Variants in SAMD13 observed in about 807,000 individuals in gnomAD.
The protein encoded by SAMD13 is sterile alpha motif domain-containing protein 13.
A neutral mutation model predicts 12.4 loss-of-function variants in SAMD13; 9 were observed. The observed-to-expected ratio is 0.72, with a 90% CI of 0.44 to 1.26. SAMD13 has a LOEUF of 1.26. Among genes scored for constraint, SAMD13 ranks in the 50% most tolerant of loss-of-function variants. The pLI is 0.00. For synonymous variants in SAMD13, 46 were observed against 45.4 expected (o/e 1.01, Z -0.05); for missense variants, 84 against 119.6 (o/e 0.70, Z 1.39).
At chr1:84,323,021 G>A (rs906148233) in intron 2 of SAMD13, among the ~76,000 whole-genome samples, 1 of 152,162 alleles carries the variant, frequency 6.6e-6, no homozygotes, top group African/African-American at 2.4e-5. Flanking sequence ...TATTCTTGGT[G>A]AGGAAAGGCG....
At position 84,350,520 on chromosome 1, in the gene SAMD13, T is replaced by G. The variant is rs1212836730; in HGVS notation, c.*746T>G. 6.6e-6 allele frequency: 1 copy of G among 152,648 alleles called. No homozygotes were observed. Among genetic ancestry groups the G allele is most frequent in the Middle Eastern group, 3.2e-3 (1 of 316 alleles). The allele number at this position is 152,648 out of a possible 1,614,324, so 9.5% of individuals were successfully genotyped here. A position where few individuals can be genotyped will look rare whatever the true frequency, so the allele number is the denominator to read the frequency against. ...ATTTTTTTTAACTTCATGGTTTTAT[T>G]TATAATAATTTGTTTCTGAAGAAAT... On this transcript the variant is annotated 3_prime_UTR_variant, in exon 4 of 4. Coordinates refer to ENST00000394834, the MANE Select transcript of SAMD13 (RefSeq NM_001134663.2).
At chr1:84,342,838 A>C (rs988210525) in intron 3 of SAMD13, among the ~76,000 whole-genome samples, 15 of 152,208 alleles carry the variant, frequency 9.9e-5, no homozygotes, top group Admixed American at 3.9e-4. Context: ...ATTGCAACAA[A>C]AGCAAAAATT....
chr1:84,324,703 T>C (rs979259427), intron 2 of SAMD13, among the ~76,000 whole-genome samples: 2 of 152,124 alleles, frequency 1.3e-5, no homozygotes, highest in African/African-American at 2.4e-5. Context: ...GAAAATCATC[T>C]TGGATGAGGT....
chr1:84,346,554 A>G (rs1679539184), intron 3 of SAMD13, among the ~76,000 whole-genome samples: 1 of 152,164 alleles, frequency 6.6e-6, no homozygotes, highest in South Asian at 2.1e-4. Context: ...TTTAGCTGGA[A>G]TTGGTCACAC....
chr1:84,338,734 G>C (rs575933225), intron 3 of SAMD13, among the ~76,000 whole-genome samples: 1 of 151,982 alleles, frequency 6.6e-6, no homozygotes, highest in African/African-American at 2.4e-5. Flanking sequence ...CACCGTGCCC[G>C]GCTGGGAACT....
intron 2 of SAMD13, among the ~76,000 whole-genome samples, chr1:84,325,047 T>C (rs753144218): frequency 1.3e-5 from 2 of 152,118 alleles, no homozygotes; most frequent in Non-Finnish European, 2.9e-5. Context: ...TAATTCAGTG[T>C]GGAAGGTGCT....
At chr1:84,340,902 T>A (rs991472471) in intron 3 of SAMD13, among the ~76,000 whole-genome samples, 1 of 152,292 alleles carries the variant, frequency 6.6e-6, no homozygotes, top group Middle Eastern at 3.4e-3. Flanking sequence ...ATAAAGAAGA[T>A]GGCCCTAACT....
At chr1:84,317,454 T>C (rs1678859551) in intron 2 of SAMD13, among the ~76,000 whole-genome samples, 1 of 152,050 alleles carries the variant, frequency 6.6e-6, no homozygotes, top group Non-Finnish European at 1.5e-5. Flanking sequence ...TTTTTTATCT[T>C]AGACGATCGT....
intron 2 of SAMD13, among the ~76,000 whole-genome samples, chr1:84,317,047 T>C (rs1326799641): frequency 6.6e-6 from 1 of 152,154 alleles, no homozygotes; most frequent in Non-Finnish European, 1.5e-5. Flanking sequence ...TCTATGTTGA[T>C]TTTTGTATCC....
intron 3 of SAMD13, among the ~76,000 whole-genome samples, chr1:84,337,341 C>T (rs1229160512): frequency 6.6e-6 from 1 of 152,220 alleles, no homozygotes; most frequent in Non-Finnish European, 1.5e-5. Context: ...CCTGGACATC[C>T]AGGCATTTCC....
chr1:84,332,852 ATAC>A (rs1217884061), intron 3 of SAMD13, among the ~76,000 whole-genome samples: 13 of 152,198 alleles, frequency 8.5e-5, no homozygotes, highest in African/African-American at 3.1e-4. Flanking sequence ...CAGGATTTTT[ATAC>A]TTTTAGGCTT....
chr1:84,314,078 G>A (rs138727549), intron 2 of SAMD13, among the ~76,000 whole-genome samples: 49 of 152,194 alleles, frequency 3.2e-4, no homozygotes, highest in Middle Eastern at 3.4e-3. Flanking sequence ...AATTATTATG[G>A]TATTGCTAGA....
chr1:84,340,213 T>C (rs1179887320), intron 3 of SAMD13, among the ~76,000 whole-genome samples: 1 of 152,220 alleles, frequency 6.6e-6, no homozygotes, highest in Non-Finnish European at 1.5e-5. Context: ...ATTTTTAAAA[T>C]GTGCTGTATA....
At chr1:84,327,132 G>A (rs559510518) in intron 3 of SAMD13, among the ~76,000 whole-genome samples, 1 of 152,232 alleles carries the variant, frequency 6.6e-6, no homozygotes, top group Admixed American at 6.5e-5. Context: ...AAAAAGATTT[G>A]TACAAAATTG....
chr1:84,308,740 C>T (rs780921560), intron 2 of SAMD13, among the ~76,000 whole-genome samples: 4 of 152,028 alleles, frequency 2.6e-5, no homozygotes, highest in East Asian at 1.9e-4. Flanking sequence ...AAAAAGCATA[C>T]GGGATTTTTG....
In SAMD13 at chr1:84,325,749, G is replaced by T. The variant is rs918112230; in HGVS notation, c.165+1G>T. 6.3e-7 allele frequency: 1 copy of T among 1,590,092 alleles called. No homozygotes were observed. Among genetic ancestry groups the T allele is most frequent in the Non-Finnish European group, 8.6e-7 (1 of 1,158,464 alleles). ...GCAAGCTAGTGCTTTTCAGGAACAG[G>T]TAACTTGGTCTAGAGAAACACGTGA... On this transcript the variant is annotated splice_donor_variant, in intron 3 of 3. Transcript: ENST00000394834. LOFTEE classifies it high-confidence loss of function.
intron 2 of SAMD13, among the ~76,000 whole-genome samples, chr1:84,322,091 C>A (rs755424353): frequency 6.6e-6 from 1 of 152,138 alleles, no homozygotes; most frequent in African/African-American, 2.4e-5. Flanking sequence ...CCCTCCCTTA[C>A]GTAAATACGT....
chr1:84,329,770 G>A (rs1679134452), intron 3 of SAMD13, among the ~76,000 whole-genome samples: 1 of 152,214 alleles, frequency 6.6e-6, no homozygotes, highest in South Asian at 2.1e-4. Context: ...CATCAAGAAT[G>A]AAGGCCTAAG....
chr1:84,330,832 T>TA, intron 3 of SAMD13, among the ~76,000 whole-genome samples: 1 of 152,334 alleles, frequency 6.6e-6, no homozygotes, highest in African/African-American at 2.4e-5. Context: ...TTCTCAAACT[T>TA]ACAAGCAACA....
Sources: gnomAD v4.1 joint callset for allele counts (sites outside exome capture counted in the v4.1 genomes callset) on GRCh38, gnomAD v4.1.1 for gene constraint, MANE v1.5 for transcripts, NCBI Gene and HGNC (gene_info 2026-07-23, HGNC 2026-07-21) for gene names.